Variants in KIRREL3 observed in about 807,000 individuals in gnomAD.
The protein encoded by KIRREL3 is kin of IRRE-like protein 3.
In KIRREL3, 36 loss-of-function variants were observed where a neutral mutation model predicts 89.7. That is an observed-to-expected ratio of 0.40 (90% confidence interval 0.31 to 0.53). The LOEUF (loss-of-function observed/expected upper bound fraction) is 0.53. Among genes scored for constraint, KIRREL3 ranks in the 20% least tolerant of loss-of-function variants. The pLI is 0.49. For missense variants in KIRREL3, 864 were observed against 1,056.6 expected, an observed-to-expected ratio of 0.82 and a Z score of 2.53; for synonymous variants, 445 against 441.4, an observed-to-expected ratio of 1.01 and a Z score of -0.10.
rs1428932861 is a variant in KIRREL3 at position 126,527,475 on chromosome 11, AAAATATTAGTTCATT to A, written c.134-803_134-789del. Among the ~76,000 whole-genome samples, 1 of 152,178 alleles carries A rather than the reference AAAATATTAGTTCATT, an allele frequency of 6.6e-6. No homozygotes were observed. Among genetic ancestry groups the A allele is most frequent in the African/African-American group, 2.4e-5 (1 of 41,436 alleles). ...ATGCCATGCTCTGTTTTGAGGCTTT[AAAATATTAGTTCATT>A]AATATTTTCATCGTCATAACAACCT... On this transcript the variant is annotated intron_variant, in intron 2 of 16. Transcript: ENST00000525144. The surrounding 1 kb of genome is among the most constrained non-coding windows in gnomAD (Gnocchi z 4.2).
rs973719112 is a variant in KIRREL3, at chr11:126,464,114, A to G, written c.592-807T>C. ...CCTTATTTGGGAATAGGGTCTTTGC[A>G]GTTTAGTTAAGCAATTAGTAATTAG... On this transcript the variant is annotated intron_variant, in intron 5 of 16. Coordinates refer to ENST00000525144, the MANE Select transcript of KIRREL3 (RefSeq NM_032531.4). Among the ~76,000 whole-genome samples, 3 of 152,132 alleles carry G rather than the reference A, an allele frequency of 2.0e-5. No homozygotes were observed. In the East Asian group the frequency reaches 5.8e-4, roughly 29 times the overall value.
intron 1 of KIRREL3, among the ~76,000 whole-genome samples, chr11:126,777,146 G>A (rs1950191550): frequency 6.6e-6 from 1 of 152,194 alleles, no homozygotes; most frequent in Non-Finnish European, 1.5e-5. Context: ...CTAATTGCTG[G>A]ATTGCAATGC....
At position 126,427,863 on chromosome 11, in the gene KIRREL3, AATG is replaced by A. The variant is rs1954998266; in HGVS notation, c.1806+1313_1806+1315del. ...GGCTGCTGTAATCATCCAGGGGAGC[AATG>A]ATGAGGCCTGAAGTAAAGAAGTGAT... is the stretch of plus-strand genomic sequence containing the variant. On this transcript the variant is annotated intron_variant, in intron 15 of 16. Coordinates refer to ENST00000525144, the MANE Select transcript of KIRREL3 (RefSeq NM_032531.4). The surrounding 1 kb of genome is among the most constrained non-coding windows in gnomAD (Gnocchi z 5.3). 6.6e-6 allele frequency among the ~76,000 whole-genome samples: 1 copy of A among 152,228 alleles called. No individual in the cohort carries two copies. Among genetic ancestry groups the A allele is most frequent in the Admixed American group, 6.5e-5 (1 of 15,274 alleles).
rs1276173397 is a variant in KIRREL3 at position 126,601,926 on chromosome 11, T to C, written c.56-39014A>G. ...AGGAGACAAGGGGTCCTGTGTGTGT[T>C]TGAGATGAAACAAGGTCACCTGAGG... On this transcript the variant is annotated intron_variant, in intron 1 of 16. Coordinates refer to ENST00000525144, the MANE Select transcript of KIRREL3 (RefSeq NM_032531.4). This position sits in a 1 kb window ranked among gnomAD's most constrained non-coding sequence, Gnocchi z 5.8. 1.3e-5 allele frequency among the ~76,000 whole-genome samples: 2 copies of C among 152,114 alleles called. No homozygotes were observed. Among genetic ancestry groups the C allele is most frequent in the South Asian group, 4.2e-4 (2 of 4,814 alleles).
chr11:126,852,634 C>T (rs752860913), intron 1 of KIRREL3, among the ~76,000 whole-genome samples: 9 of 152,122 alleles, frequency 5.9e-5, no homozygotes, highest in Non-Finnish European at 8.8e-5. Context: ...ATGAGGTGAG[C>T]AAAGAAAGCT....
In KIRREL3 at chr11:126,812,441, A is replaced by C. The variant is rs1020296214; in HGVS notation, c.55+188014T>G. ...ACTCTGACACCACTCCACAATTAAT[A>C]TTGTCCACTGAACAGAATGGTGAAC... On this transcript the variant is annotated intron_variant, in intron 1 of 16. Transcript: ENST00000525144. The surrounding 1 kb of genome is among the most constrained non-coding windows in gnomAD (Gnocchi z 5.2). Among the ~76,000 whole-genome samples, 7 of 152,254 alleles carry C rather than the reference A, an allele frequency of 4.6e-5. No individual in the cohort carries two copies. The highest frequency in any genetic ancestry group is 1.7e-4 in the African/African-American group (7 of 41,540).
Position 126,522,129 on chromosome 11 carries a change from A to G in KIRREL3, c.284-665T>C, listed in dbSNP as rs1038248133. Among the ~76,000 whole-genome samples, 3 of 152,120 alleles carry G rather than the reference A, an allele frequency of 2.0e-5. No individual in the cohort carries two copies. Among genetic ancestry groups the G allele is most frequent in the Non-Finnish European group, 1.5e-5 (1 of 68,032 alleles). The stretch of plus-strand genomic sequence containing the variant: ...AAGAGGGAGAAGAGATGGAAATGCT[A>G]AGCGTGGACAGACACCGCTGGCTTA... On this transcript the variant is annotated intron_variant, in intron 3 of 16. Transcript: ENST00000525144. This position sits in a 1 kb window ranked among gnomAD's most constrained non-coding sequence, Gnocchi z 6.0.
chr11:126,542,087 G>A (rs1279469139), intron 2 of KIRREL3, among the ~76,000 whole-genome samples: 1 of 152,226 alleles, frequency 6.6e-6, no homozygotes. Context: ...CTCTTCAGGT[G>A]TCCTGTGAAG....
chr11:126,518,199 C>T (rs552493367), intron 4 of KIRREL3, among the ~76,000 whole-genome samples: 8 of 152,214 alleles, frequency 5.3e-5, no homozygotes, highest in Middle Eastern at 3.2e-3. Flanking sequence ...GGAAACACAA[C>T]GCTAATTAAT....
intron 1 of KIRREL3, among the ~76,000 whole-genome samples, chr11:126,633,576 A>T (rs1245902455): frequency 6.6e-6 from 1 of 152,108 alleles, no homozygotes; most frequent in Non-Finnish European, 1.5e-5. Flanking sequence ...TGATCTGCAC[A>T]TCCCAGCTCC....
chr11:126,935,276 A>T (rs1948135088), intron 1 of KIRREL3: 1 of 151,964 alleles, frequency 6.6e-6, no homozygotes, highest in Non-Finnish European at 1.5e-5. Context: ...TGGGAAGGCA[A>T]AATGGCACAG....
rs1943278348 is a variant in KIRREL3 at position 126,614,863 on chromosome 11, G to A, written c.56-51951C>T. Among the ~76,000 whole-genome samples the A allele has an allele frequency of 6.6e-6, 1 of 152,178 alleles. No homozygotes were observed. Among genetic ancestry groups the A allele is most frequent in the South Asian group, 2.1e-4 (1 of 4,822 alleles). ...ATCTTCCTTTCTTTGTGGGCTCATG[G>A]TGCTGAGAAGATGGATGAGCTGGGG... On this transcript the variant is annotated intron_variant, in intron 1 of 16. Transcript: ENST00000525144. The surrounding 1 kb of genome is among the most constrained non-coding windows in gnomAD (Gnocchi z 4.6).
Position 126,955,634 on chromosome 11 carries a change from C to G in KIRREL3, c.55+44821G>C, listed in dbSNP as rs554814820. On this transcript the variant is annotated intron_variant, in intron 1 of 16. Transcript: ENST00000525144. This position sits in a 1 kb window ranked among gnomAD's most constrained non-coding sequence, Gnocchi z 4.6. ...TCCTTCCATCATTTGCTCCCTCAAC[C>G]ACACATATTTATTAAGTAGCTACTA... Among the ~76,000 whole-genome samples, 2 of 152,320 alleles carry G rather than the reference C, an allele frequency of 1.3e-5. No homozygotes were observed. Among genetic ancestry groups the G allele is most frequent in the South Asian group, 4.1e-4 (2 of 4,826 alleles).
rs530727697 is a variant in KIRREL3, at chr11:126,565,479, G to T, written c.56-2567C>A. On this transcript the variant is annotated intron_variant, in intron 1 of 16. Coordinates refer to ENST00000525144, the MANE Select transcript of KIRREL3 (RefSeq NM_032531.4). The surrounding 1 kb of genome is among the most constrained non-coding windows in gnomAD (Gnocchi z 5.4). ...ATTTGGCTCATTTAATTTGACACGC[G>T]TGGGTTAGTCTTAATTATTTAGGCG... Among the ~76,000 whole-genome samples the T allele has an allele frequency of 6.6e-6, 1 of 152,174 alleles. No homozygotes were observed. Among genetic ancestry groups the T allele is most frequent in the African/African-American group, 2.4e-5 (1 of 41,430 alleles).
rs1565424252 is a variant in KIRREL3 at position 126,923,264 on chromosome 11, CT to C, written c.55+77190del. 3.5e-3 allele frequency among the ~76,000 whole-genome samples: 274 copies of C among 79,194 alleles called. 63 individuals carry two copies. The highest frequency in any genetic ancestry group is 9.6e-3 in the African/African-American group (150 of 15,694). The allele number at this position is 79,194 out of a possible 152,430, so 52.0% of individuals were successfully genotyped here. On this transcript the variant is annotated intron_variant, in intron 1 of 16. Coordinates refer to ENST00000525144, the MANE Select transcript of KIRREL3 (RefSeq NM_032531.4). ...TCTTCTTCTTCTTCTTCTTCTTCTT[CT>C]TCTCCTTCTCCTTCTCCTTCTCCTT...
At chr11:126,465,434 G>A (rs11220506) in intron 5 of KIRREL3, among the ~76,000 whole-genome samples, 22,979 of 152,130 alleles carry the variant, frequency 0.15, 2,428 homozygotes, top group East Asian at 0.39. Context: ...CTGGACGGTG[G>A]GTACCGTGCT....
intron 7 of KIRREL3, among the ~76,000 whole-genome samples, chr11:126,452,446 G>C (rs915987705): frequency 1.3e-5 from 2 of 152,234 alleles, no homozygotes; most frequent in Admixed American, 6.5e-5. Context: ...GAGGCCAAGC[G>C]GGCAGCTGGC....
intron 4 of KIRREL3, among the ~76,000 whole-genome samples, chr11:126,502,270 A>G (rs567952401): frequency 2.6e-5 from 4 of 152,280 alleles, no homozygotes; most frequent in Admixed American, 2.6e-4. Flanking sequence ...GCATCCACTC[A>G]CCGCACTGGA....
In KIRREL3 at chr11:126,561,016, G is replaced by A. The variant is rs1049409723; in HGVS notation, c.133+1819C>T. Among the ~76,000 whole-genome samples, 8 of 152,106 alleles carry A rather than the reference G, an allele frequency of 5.3e-5. No individual in the cohort carries two copies. Among genetic ancestry groups the A allele is most frequent in the Admixed American group, 1.3e-4 (2 of 15,270 alleles). ...ATAATTATAAATATAAAACAGCTCC[G>A]CATGCTTTCTGATGCCTTTCTTATC... On this transcript the variant is annotated intron_variant, in intron 2 of 16. Transcript: ENST00000525144. The surrounding 1 kb of genome is among the most constrained non-coding windows in gnomAD (Gnocchi z 4.5).
Sources: allele counts gnomAD v4.1 joint callset (sites outside exome capture counted in the v4.1 genomes callset), GRCh38; gene constraint gnomAD v4.1.1; non-coding constraint Gnocchi (gnomAD v3.1); transcripts MANE v1.5; gene names NCBI Gene and HGNC (gene_info 2026-07-23, HGNC 2026-07-21).